Variants in TRIQK observed in about 807,000 individuals in gnomAD.
The protein encoded by TRIQK is triple QxxK/R motif containing, also known as triple QxxK/R motif-containing protein.
TRIQK carries 10 observed loss-of-function variants against 10.8 expected under a neutral mutation model. The observed-to-expected ratio is 0.92, with a 90% CI of 0.57 to 1.57. The LOEUF (loss-of-function observed/expected upper bound fraction) is 1.57. Ranked by LOEUF, TRIQK falls within the 40% of genes most tolerant of loss-of-function variation. The probability of loss-of-function intolerance (pLI) is 0.00; values close to 1 mark genes in which losing one functional copy is unlikely to be tolerated. For synonymous variants in TRIQK, 33 were observed against 33.7 expected, an observed-to-expected ratio of 0.98 and a Z score of 0.07; for missense variants, 107 against 97.7, an observed-to-expected ratio of 1.09 and a Z score of -0.40.
At chr8:92,892,469 A>G (rs555477021) in intron 3 of TRIQK, among the ~76,000 whole-genome samples, 24 of 151,974 alleles carry the variant, frequency 1.6e-4, no homozygotes, top group Middle Eastern at 3.2e-3. Context: ...AGCTAATTAT[A>G]AATGTATTTT....
At chr8:92,935,692 C>G (rs568846414) in intron 2 of TRIQK, among the ~76,000 whole-genome samples, 27 of 151,260 alleles carry the variant, frequency 1.8e-4, no homozygotes, top group African/African-American at 6.5e-4. Flanking sequence ...TAACATGGAA[C>G]AAACTCTTGT....
intron 1 of TRIQK, among the ~76,000 whole-genome samples, chr8:93,004,586 T>A (rs1002097414): frequency 6.6e-6 from 1 of 152,236 alleles, no homozygotes; most frequent in African/African-American, 2.4e-5. Context: ...TTCTACCCCA[T>A]GGTTGAGCCG....
At position 92,884,987 on chromosome 8, in the gene TRIQK, C is replaced by T; in HGVS notation, c.*1635G>A. ...ACATACCACATGGCATTAAATGCTG[C>T]AACCTTTCCTAAAAATGCCACTTGG... On this transcript the variant is annotated 3_prime_UTR_variant, in exon 5 of 5. Transcript: ENST00000521988. 2.2e-6 allele frequency: 1 copy of T among 456,102 alleles called. No individual in the cohort carries two copies. The highest frequency in any genetic ancestry group is 4.4e-6 in the Non-Finnish European group (1 of 226,700). The allele number at this position is 456,102 out of a possible 1,614,324, so 28.3% of individuals were successfully genotyped here. A position where few individuals can be genotyped will look rare whatever the true frequency, so the allele number is the denominator to read the frequency against.
rs761611332 is a variant in TRIQK at position 92,892,038 on chromosome 8, C to T, written c.98G>A (p.Arg33Gln). 4.6e-6 allele frequency: 7 copies of T among 1,532,898 alleles called. No homozygotes were observed. The highest frequency in any genetic ancestry group is 2.5e-5 in the East Asian group (1 of 40,650). The allele number at this position is 1,532,898 out of a possible 1,614,324, so 95.0% of individuals were successfully genotyped here. A position where few individuals can be genotyped will look rare whatever the true frequency, so the allele number is the denominator to read the frequency against. The part of the protein sequence containing the change: ...QDYKKTKPIL[R>Q]ATKLKAEAKK... ...TGCTTCTGCTTTTAATTTGGTTGCT[C>T]GTAAAATAGGTTTAGTTTTTTTATA... Residue 33 changes from arginine to glutamine, a missense_variant, in exon 4 of 5, where the codon CGA (arginine) becomes CAA (glutamine). Arg to Gln is a conservative substitution (Grantham distance 43). Transcript: ENST00000521988.
intron 1 of TRIQK, among the ~76,000 whole-genome samples, chr8:92,992,170 C>T (rs1813102703): frequency 6.6e-6 from 1 of 152,058 alleles, no homozygotes; most frequent in South Asian, 2.1e-4. Context: ...TTACACAAAG[C>T]AAAAGCAATC....
intron 1 of TRIQK, among the ~76,000 whole-genome samples, chr8:93,004,470 C>A (rs574452853): frequency 1.3e-5 from 2 of 152,352 alleles, no homozygotes; most frequent in Non-Finnish European, 2.9e-5. Context: ...ATGCAAAGGT[C>A]TGTGAAATGC....
intron 1 of TRIQK, 48 bp downstream of exon 1, chr8:92,965,959 T>C (rs1303669760): frequency 6.6e-6 from 1 of 152,622 alleles, no homozygotes; most frequent in Admixed American, 6.5e-5. Context: ...GACCCCGAGC[T>C]TCCCGGGCAG....
chr8:92,941,330 G>GGATTA (rs1381834857), intron 2 of TRIQK: 1 of 152,030 alleles, frequency 6.6e-6, no homozygotes, highest in East Asian at 1.9e-4. Flanking sequence ...GCCCACCTTG[G>GGATTA]CCTCCCAAAG....
intron 1 of TRIQK, among the ~76,000 whole-genome samples, chr8:92,987,971 T>A (rs1437753606): frequency 1.3e-5 from 2 of 150,398 alleles, no homozygotes; most frequent in Non-Finnish European, 3.0e-5. Context: ...TAATCGTCGT[T>A]TTTAGTTTTA....
At chr8:92,893,777 T>C (rs1302713690) in intron 3 of TRIQK, among the ~76,000 whole-genome samples, 1 of 151,860 alleles carries the variant, frequency 6.6e-6, no homozygotes, top group Non-Finnish European at 1.5e-5. Flanking sequence ...TATTTGAAGA[T>C]TGTAGATTTA....
chr8:92,988,033 G>A (rs1813054915), intron 1 of TRIQK, among the ~76,000 whole-genome samples: 1 of 108,114 alleles, frequency 9.2e-6, no homozygotes, highest in Non-Finnish European at 1.7e-5. Context: ...TTGAGACGGA[G>A]TCTTGCTCTG....
chr8:92,910,760 A>AG (rs1395629397), intron 3 of TRIQK, among the ~76,000 whole-genome samples: 1 of 151,310 alleles, frequency 6.6e-6, no homozygotes, highest in African/African-American at 2.4e-5. Flanking sequence ...ATAATAGAAA[A>AG]GGGGAAATTA....
intron 3 of TRIQK, among the ~76,000 whole-genome samples, chr8:92,905,817 T>G (rs987024104): frequency 2.0e-5 from 3 of 152,084 alleles, no homozygotes; most frequent in Non-Finnish European, 2.9e-5. Context: ...CTCTAGGGTT[T>G]TGGAACAGTG....
chr8:92,921,944 C>T (rs909881854), intron 2 of TRIQK, among the ~76,000 whole-genome samples: 1 of 151,752 alleles, frequency 6.6e-6, no homozygotes, highest in African/African-American at 2.4e-5. Context: ...AAGCCATCTC[C>T]AACTTAATAA....
Position 92,889,684 on chromosome 8 carries a change from T to C in TRIQK, c.147+2305A>G, listed in dbSNP as rs553165497. Among the ~76,000 whole-genome samples, 9 of 151,784 alleles carry C rather than the reference T, an allele frequency of 5.9e-5. 2 individuals are homozygous for C. In the South Asian group the frequency reaches 1.7e-3, roughly 28 times the overall value. ...CAGCTAATAATTCATAAGTGACTTCTACACATTCAATTCAATGTTCAATGT... is the reference window on the plus strand; with the variant it reads ...CAGCTAATAATTCATAAGTGACTTCCACACATTCAATTCAATGTTCAATGT... On this transcript the variant is annotated intron_variant, in intron 4 of 4. Transcript: ENST00000521988.
intron 3 of TRIQK, among the ~76,000 whole-genome samples, chr8:92,912,085 A>C (rs190566256): frequency 6.6e-6 from 1 of 151,614 alleles, no homozygotes; most frequent in African/African-American, 2.4e-5. Flanking sequence ...GACTTAACAA[A>C]TGTATACAGA....
intron 3 of TRIQK, among the ~76,000 whole-genome samples, chr8:92,894,102 G>A (rs1301526112): frequency 2.0e-5 from 3 of 151,948 alleles, no homozygotes; most frequent in African/African-American, 7.3e-5. Context: ...TTGTATTCAA[G>A]TTGATATTAA....
At chr8:92,952,849 T>G (rs1465441350) in intron 2 of TRIQK, among the ~76,000 whole-genome samples, 2 of 152,032 alleles carry the variant, frequency 1.3e-5, no homozygotes. Context: ...AAACTCTAAA[T>G]GCCATTGCAT....
At chr8:92,934,449 T>C (rs967381290) in intron 2 of TRIQK, among the ~76,000 whole-genome samples, 1 of 152,078 alleles carries the variant, frequency 6.6e-6, no homozygotes, top group African/African-American at 2.4e-5. Context: ...AAATTATGTG[T>C]ACTGAAATAA....
Sources: gnomAD v4.1 joint callset for allele counts (sites outside exome capture counted in the v4.1 genomes callset) on GRCh38, gnomAD v4.1.1 for gene constraint, MANE v1.5 for transcripts, NCBI Gene and HGNC (gene_info 2026-07-23, HGNC 2026-07-21) for gene names.